The following OOSP4B variants were observed in gnomAD, a reference collection of about 807,000 sequenced individuals.
The protein encoded by OOSP4B is oocyte-secreted protein 4B.
At chr11:60,018,080 G>C (rs888543389) in intron 1 of OOSP4B, among the ~76,000 whole-genome samples, 5 of 152,136 alleles carry the variant, frequency 3.3e-5, no homozygotes, top group Non-Finnish European at 5.9e-5. Flanking sequence ...GAGAGGCCCC[G>C]TGAAATGAAA....
At chr11:60,025,583 G>A (rs1451410506) in intron 3 of OOSP4B, among the ~76,000 whole-genome samples, 5 of 152,036 alleles carry the variant, frequency 3.3e-5, no homozygotes, top group Admixed American at 6.6e-5. Context: ...TTTGAAACTC[G>A]TTTATGTTGT....
intron 3 of OOSP4B, among the ~76,000 whole-genome samples, chr11:60,025,285 A>G (rs2134626799): frequency 6.6e-6 from 1 of 152,342 alleles, no homozygotes; most frequent in Middle Eastern, 3.4e-3. Context: ...ACTTTTCCCT[A>G]AGTGCTTCAG....
At chr11:60,017,550 A>AT (rs891067956) in intron 1 of OOSP4B, 137 bp downstream of exon 1, 5,563 of 306,600 alleles carry the variant, frequency 0.018, 2 homozygotes, top group East Asian at 0.023. Context: ...AAAAGCTGAG[A>AT]TTTTTTTTTT....
At chr11:60,020,427 C>T (rs1057036207) in intron 1 of OOSP4B, among the ~76,000 whole-genome samples, 7 of 114,596 alleles carry the variant, frequency 6.1e-5, no homozygotes, top group East Asian at 5.9e-4. Context: ...TAAGGCCTAG[C>T]GAGAAGTCGA....
exon 4 of OOSP4B, chr11:60,029,867 C>G (rs187115145): frequency 2.5e-6 from 1 of 398,366 alleles, no homozygotes; most frequent in Admixed American, 4.4e-5. Context: ...AACAAAAGGA[C>G]AAGAGTCACC....
intron 3 of OOSP4B, among the ~76,000 whole-genome samples, chr11:60,025,452 T>C (rs1371746473): frequency 6.6e-6 from 1 of 152,252 alleles, no homozygotes; most frequent in Admixed American, 6.5e-5. Flanking sequence ...CTGCAGAAAG[T>C]GGATCTTCCC....
chr11:60,029,595 G>C (rs1219834674), intron 3 of OOSP4B, among the ~76,000 whole-genome samples, 187 bp from the exon 4 acceptor site: 2 of 152,152 alleles, frequency 1.3e-5, no homozygotes, highest in Non-Finnish European at 2.9e-5. Flanking sequence ...GGATCAATAA[G>C]TACCATCCTA....
chr11:60,026,636 A>C (rs1854748771), intron 3 of OOSP4B, among the ~76,000 whole-genome samples: 1 of 152,198 alleles, frequency 6.6e-6, no homozygotes, highest in Admixed American at 6.5e-5. Flanking sequence ...CCTGCAAGGA[A>C]TGACTTGAAA....
intron 1 of OOSP4B, among the ~76,000 whole-genome samples, chr11:60,019,102 A>C (rs927785670): frequency 4.6e-5 from 7 of 152,150 alleles, no homozygotes; most frequent in African/African-American, 1.4e-4. Context: ...GCGTGCCTGT[A>C]ATCCCGACTA....
At chr11:60,028,805 A>G (rs547442730) in intron 3 of OOSP4B, among the ~76,000 whole-genome samples, 15 of 152,214 alleles carry the variant, frequency 9.9e-5, no homozygotes, top group Non-Finnish European at 1.6e-4. Flanking sequence ...AACACTGAGC[A>G]TAGATGCCTT....
chr11:60,017,203 G>C (rs1854637308), exon 1 of OOSP4B: 2 of 395,212 alleles, frequency 5.1e-6, no homozygotes, highest in Non-Finnish European at 4.5e-6. Context: ...CTATGGCACA[G>C]GTGAAGTGTT....
intron 3 of OOSP4B, among the ~76,000 whole-genome samples, chr11:60,026,336 C>A (rs1055524192): frequency 6.6e-6 from 1 of 152,194 alleles, no homozygotes; most frequent in Non-Finnish European, 1.5e-5. Flanking sequence ...GGTCAAGATT[C>A]TTCCCTCTCC....
At chr11:60,023,814 C>G in intron 1 of OOSP4B, 66 bp from the exon 2 acceptor site, 1 of 398,010 alleles carries the variant, frequency 2.5e-6, no homozygotes, top group Non-Finnish European at 4.4e-6. Context: ...TCTGTCAGCA[C>G]TGATAGTGTA....
chr11:60,020,679 G>A (rs1854682203), intron 1 of OOSP4B, among the ~76,000 whole-genome samples: 1 of 152,264 alleles, frequency 6.6e-6, no homozygotes, highest in Non-Finnish European at 1.5e-5. Flanking sequence ...TGCAGCGGCG[G>A]GCTAAAGGGC....
chr11:60,021,669 T>C (rs1854691395), intron 1 of OOSP4B: 1 of 152,226 alleles, frequency 6.6e-6, no homozygotes, highest in African/African-American at 2.4e-5. Flanking sequence ...TATCTCAGGT[T>C]TTCTTTGTTA....
intron 1 of OOSP4B, among the ~76,000 whole-genome samples, chr11:60,023,509 A>G (rs1477445160): frequency 1.3e-5 from 2 of 152,148 alleles, no homozygotes; most frequent in Non-Finnish European, 2.9e-5. Flanking sequence ...GTCTCGACTC[A>G]CTGCAGCCTC....
chr11:60,026,786 C>T (rs996245557), intron 3 of OOSP4B, among the ~76,000 whole-genome samples: 11 of 152,058 alleles, frequency 7.2e-5, no homozygotes, highest in African/African-American at 2.7e-4. Context: ...TTGAGTTGCA[C>T]GAGCTATTTT....
Position 60,026,197 on chromosome 11 carries a change from T to C in OOSP4B, c.302+1192T>C, listed in dbSNP as rs185934993. 6.6e-5 allele frequency among the ~76,000 whole-genome samples: 10 copies of C among 152,330 alleles called. No homozygotes were observed. The East Asian group carries it at 1.7e-3, about 26-fold the overall frequency. On this transcript the variant is annotated intron_variant, in intron 3 of 4. Transcript: ENST00000642343. ...ATTTATAGACTCTTCCTTCTAGTTA[T>C]TGCTTTCTGTTCTGTCGTAAAATTC...
chr11:60,026,709 C>G (rs945810429), intron 3 of OOSP4B, among the ~76,000 whole-genome samples: 25 of 152,200 alleles, frequency 1.6e-4, no homozygotes, highest in Admixed American at 6.5e-4. Context: ...CCTTTGCTGT[C>G]TAACATAGTA....
Sources: gnomAD v4.1 joint callset for allele counts (sites outside exome capture counted in the v4.1 genomes callset) on GRCh38, gnomAD v4.1.1 for gene constraint, MANE v1.5 for transcripts, NCBI Gene and HGNC (gene_info 2026-07-23, HGNC 2026-07-21) for gene names.